Variants in HUNK observed in about 807,000 individuals in gnomAD.
The protein encoded by HUNK is hormonally up-regulated Neu-associated kinase.
HUNK carries 21 observed loss-of-function variants against 61.0 expected under a neutral mutation model. The observed-to-expected ratio is 0.34, with a 90% CI of 0.24 to 0.50. HUNK has a LOEUF of 0.50. Ranked by LOEUF, HUNK falls within the 20% of genes least tolerant of loss-of-function variation. HUNK has a pLI of 0.98. For missense variants in HUNK, 772 were observed against 945.7 expected (o/e 0.82, Z 2.41); for synonymous variants, 371 against 386.1 (o/e 0.96, Z 0.46).
intron 1 of HUNK, among the ~76,000 whole-genome samples, chr21:31,912,293 G>A (rs1406423259): frequency 2.0e-5 from 3 of 152,166 alleles, no homozygotes; most frequent in East Asian, 1.9e-4. Context: ...TGCCTGGAAG[G>A]GGGTTCTGAA....
intron 4 of HUNK, among the ~76,000 whole-genome samples, chr21:31,947,943 T>C (rs2052821038): frequency 6.6e-6 from 1 of 152,214 alleles, no homozygotes; most frequent in African/African-American, 2.4e-5. Flanking sequence ...AACCCCCTTG[T>C]CCAGGTTGGC....
intron 1 of HUNK, among the ~76,000 whole-genome samples, chr21:31,879,143 G>A (rs1334658263): frequency 6.6e-6 from 1 of 152,184 alleles, no homozygotes; most frequent in Non-Finnish European, 1.5e-5. Flanking sequence ...TTTTAGAGGT[G>A]GCCTTTTGGC....
intron 9 of HUNK, among the ~76,000 whole-genome samples, chr21:31,994,982 A>G (rs952644879): frequency 6.6e-6 from 1 of 152,118 alleles, no homozygotes; most frequent in Non-Finnish European, 1.5e-5. Context: ...ACGAGACCCC[A>G]TCTCTACAAG....
At chr21:31,976,141 A>C (rs1601406427) in intron 7 of HUNK, among the ~76,000 whole-genome samples, 1 of 152,122 alleles carries the variant, frequency 6.6e-6, no homozygotes, top group Non-Finnish European at 1.5e-5. Flanking sequence ...ATGGGGGAAA[A>C]AACGTGGTCT....
intron 1 of HUNK, among the ~76,000 whole-genome samples, chr21:31,920,196 C>A (rs1471341838): frequency 6.6e-6 from 1 of 152,200 alleles, no homozygotes; most frequent in Non-Finnish European, 1.5e-5. Flanking sequence ...CTCCTTCTTT[C>A]TCTATTTTAT....
At chr21:31,970,495 C>T (rs1044308849) in intron 6 of HUNK, among the ~76,000 whole-genome samples, 2 of 152,122 alleles carry the variant, frequency 1.3e-5, no homozygotes, top group Non-Finnish European at 2.9e-5. Flanking sequence ...AAATACTACT[C>T]CAAAGCGAGG....
chr21:31,922,119 C>A (rs1413756660), intron 1 of HUNK, among the ~76,000 whole-genome samples: 14 of 151,696 alleles, frequency 9.2e-5, no homozygotes, highest in African/African-American at 3.4e-4. Flanking sequence ...CAGGTTCAAG[C>A]GATTCTCCTG....
chr21:31,873,063 T>G lies in HUNK; in HGVS notation c.-612T>G, dbSNP rs759409945. The stretch of plus-strand genomic sequence containing the variant: ...CACGGGCTGCGGAGTGGAGCTCGCA[T>G]CTGTTCCCGCCGCCCGCGAGCGGAT... On this transcript the variant is annotated 5_prime_UTR_variant, in exon 1 of 11. Transcript: ENST00000270112. This position sits in a 1 kb window ranked among gnomAD's most constrained non-coding sequence, Gnocchi z 6.1. Among the ~76,000 whole-genome samples the G allele has an allele frequency of 2.0e-5, 3 of 152,116 alleles. No individual in the cohort carries two copies. The highest frequency in any genetic ancestry group is 4.4e-5 in the Non-Finnish European group (3 of 68,004).
rs558586103 is a variant in HUNK at position 31,959,866 on chromosome 21, G to A, written c.874+896G>A. ...GCAAGTGGAATCCAAGTGGAGACAC[G>A]TTCTTGTATGCAATTATCTAATTCA... On this transcript the variant is annotated intron_variant, in intron 5 of 10. Transcript: ENST00000270112. Among the ~76,000 whole-genome samples, 7 of 152,294 alleles carry A rather than the reference G, an allele frequency of 4.6e-5. No homozygotes were observed. The South Asian group carries it at 8.3e-4, about 18-fold the overall frequency.
intron 10 of HUNK, 34 bp downstream of exon 10, chr21:31,995,982 C>T (rs2053202854): frequency 2.0e-6 from 3 of 1,535,328 alleles, no homozygotes; most frequent in African/African-American, 1.4e-5. Context: ...TCAGGCCACT[C>T]GTGTTGGGCT....
At chr21:31,948,176 A>C (rs1360322511) in intron 4 of HUNK, among the ~76,000 whole-genome samples, 1 of 152,240 alleles carries the variant, frequency 6.6e-6, no homozygotes, top group African/African-American at 2.4e-5. Context: ...ATACAGCCCC[A>C]GCTCTCCAAC....
At chr21:31,960,496 G>T (rs774092443) in intron 5 of HUNK, among the ~76,000 whole-genome samples, 1 of 152,048 alleles carries the variant, frequency 6.6e-6, no homozygotes, top group East Asian at 1.9e-4. Context: ...CCTTCATCTG[G>T]TGTACTAGTC....
intron 4 of HUNK, among the ~76,000 whole-genome samples, chr21:31,951,013 C>T (rs2052845874): frequency 6.6e-6 from 1 of 151,842 alleles, no homozygotes. Flanking sequence ...AATAGGGCCC[C>T]CAGGACCCTC....
At chr21:31,970,165 C>T (rs1328334453) in intron 6 of HUNK, among the ~76,000 whole-genome samples, 1 of 152,132 alleles carries the variant, frequency 6.6e-6, no homozygotes, top group Non-Finnish European at 1.5e-5. Context: ...GGTCTAGAAA[C>T]ACCCACCAAG....
chr21:31,892,118 A>G (rs983773340), intron 1 of HUNK, among the ~76,000 whole-genome samples: 1 of 148,302 alleles, frequency 6.7e-6, no homozygotes, highest in African/African-American at 2.5e-5. Flanking sequence ...GGTGACAAAG[A>G]TACCTCATGG....
intron 5 of HUNK, among the ~76,000 whole-genome samples, chr21:31,961,266 T>A (rs1356320946): frequency 1.3e-5 from 2 of 152,140 alleles, no homozygotes; most frequent in Non-Finnish European, 2.9e-5. Context: ...TCTCCTGGTG[T>A]GGATATACCG....
At chr21:31,878,258 C>CAAAA (rs59741283) in intron 1 of HUNK, among the ~76,000 whole-genome samples, 32 of 89,896 alleles carry the variant, frequency 3.6e-4, no homozygotes, top group Non-Finnish European at 5.1e-4. Flanking sequence ...GACTCCATCT[C>CAAAA]AAAAAAAAAA....
Position 31,924,806 on chromosome 21 carries a change from G to GGGGGCACTGGGCT in HUNK, c.554+47_554+48insGGGCACTGGGCTG. 2.0e-6 allele frequency: 3 copies of GGGGGCACTGGGCT among 1,525,318 alleles called. No individual in the cohort carries two copies. Among genetic ancestry groups the GGGGGCACTGGGCT allele is most frequent in the Non-Finnish European group, 2.7e-6 (3 of 1,130,592 alleles). 94.5% of individuals were successfully genotyped at this position (1,525,318 alleles called of 1,614,324 possible). ...GTGATCGCTGACTGTGTGCTCCGTG[G>GGGGGCACTGGGCT]GTGGCACTGGGCTGTGGCACCCTCT... is the stretch of plus-strand genomic sequence containing the variant. On this transcript the variant is annotated intron_variant, in intron 2 of 10. Coordinates refer to ENST00000270112, the MANE Select transcript of HUNK (RefSeq NM_014586.2). This position sits in a 1 kb window ranked among gnomAD's most constrained non-coding sequence, Gnocchi z 5.1.
intron 5 of HUNK, among the ~76,000 whole-genome samples, chr21:31,961,418 G>C (rs1247297647): frequency 1.3e-5 from 2 of 152,168 alleles, no homozygotes. Context: ...ATGCCTAAGA[G>C]TGAAATTGCT....
Sources: gnomAD v4.1 joint callset for allele counts (sites outside exome capture counted in the v4.1 genomes callset) on GRCh38, gnomAD v4.1.1 for gene constraint, Gnocchi (gnomAD v3.1) non-coding constraint, MANE v1.5 for transcripts, NCBI Gene and HGNC (gene_info 2026-07-23, HGNC 2026-07-21) for gene names.